Variants in KATNIP observed in about 807,000 individuals in gnomAD.
The protein encoded by KATNIP is katanin-interacting protein.
In KATNIP, 126 loss-of-function variants were observed where a neutral mutation model predicts 174.0. The observed-to-expected ratio is 0.72, with a 90% confidence interval of 0.63 to 0.84. KATNIP has a LOEUF of 0.84. KATNIP is among the 40% of genes least tolerant of loss of function. The pLI, the probability that KATNIP is intolerant of heterozygous loss-of-function variation, is 0.00. For missense variants in KATNIP, 1,958 were observed against 2,109.7 expected, an observed-to-expected ratio of 0.93 and a Z score of 1.41; for synonymous variants, 810 against 835.7, an observed-to-expected ratio of 0.97 and a Z score of 0.53.
At chr16:27,553,592 A>G (rs998145227) in intron 1 of KATNIP, among the ~76,000 whole-genome samples, 1 of 152,198 alleles carries the variant, frequency 6.6e-6, no homozygotes, top group Non-Finnish European at 1.5e-5. Flanking sequence ...AGACAAGAGG[A>G]TCTCTTCAGC....
At chr16:27,555,222 C>T (rs181635305) in intron 1 of KATNIP, among the ~76,000 whole-genome samples, 5 of 152,196 alleles carry the variant, frequency 3.3e-5, no homozygotes, top group African/African-American at 7.2e-5. Flanking sequence ...TTACTTCCTA[C>T]GTTCACAAAA....
At chr16:27,748,984 T>C (rs1336385998) in intron 15 of KATNIP, among the ~76,000 whole-genome samples, 1 of 152,188 alleles carries the variant, frequency 6.6e-6, no homozygotes, top group Non-Finnish European at 1.5e-5. Flanking sequence ...TTTAACGTTC[T>C]TTTACAAACC....
chr16:27,624,430 G>T (rs1455940482), intron 3 of KATNIP, among the ~76,000 whole-genome samples: 2 of 152,198 alleles, frequency 1.3e-5, no homozygotes, highest in Non-Finnish European at 2.9e-5. Flanking sequence ...GATGGGTGTG[G>T]TGTGCATCAC....
At position 27,576,451 on chromosome 16, in the gene KATNIP, A is replaced by T. The variant is rs141552559; in HGVS notation, c.63+2495A>T. ...GTTAGAAAAACAAAACAAAAAACCA[A>T]CCCCAAACAATTATTTTAAAAATAA... On this transcript the variant is annotated intron_variant, in intron 2 of 27. Transcript: ENST00000261588. 2.6e-3 allele frequency among the ~76,000 whole-genome samples: 394 copies of T among 152,070 alleles called. 3 individuals carry two copies. The highest frequency in any genetic ancestry group is 0.011 in the South Asian group (53 of 4,818).
rs117466254 is a variant in KATNIP at position 27,678,664 on chromosome 16, C to T, written c.808+668C>T. Among the ~76,000 whole-genome samples, 867 of 152,316 alleles carry T rather than the reference C, an allele frequency of 5.7e-3. 2 individuals carry two copies. Among genetic ancestry groups the T allele is most frequent in the Non-Finnish European group, 9.8e-3 (670 of 68,028 alleles). On this transcript the variant is annotated intron_variant, in intron 7 of 27. Coordinates refer to ENST00000261588, the MANE Select transcript of KATNIP (RefSeq NM_015202.5). ...TCTCCAACCCACACGGGGTCACATG[C>T]TGTCTTGGATTGGATCACCGTGGCT...
chr16:27,584,791 C>CA lies in KATNIP; in HGVS notation c.63+10848dup, dbSNP rs879545292. Among the ~76,000 whole-genome samples, 564 of 140,566 alleles carry CA rather than the reference C, an allele frequency of 4.0e-3. 7 individuals carry two copies. Among genetic ancestry groups the CA allele is most frequent in the African/African-American group, 0.013 (494 of 38,418 alleles). The allele number at this position is 140,566 out of a possible 152,430, so 92.2% of individuals were successfully genotyped here. ...GGGCGACAAGAGCGAAATTCCATCT[C>CA]AAAAAAAAAAAAATCATGTTGACAT... is the stretch of plus-strand genomic sequence containing the variant. On this transcript the variant is annotated intron_variant, in intron 2 of 27. Transcript: ENST00000261588.
chr16:27,701,337 A>G, intron 10 of KATNIP: 1 of 361,344 alleles, frequency 2.8e-6, no homozygotes, highest in Non-Finnish European at 5.3e-6. Flanking sequence ...AAGCATTTTG[A>G]TAAGAGAAAG....
chr16:27,664,402 A>C (rs1403980405), intron 6 of KATNIP, among the ~76,000 whole-genome samples: 1 of 152,234 alleles, frequency 6.6e-6, no homozygotes, highest in Non-Finnish European at 1.5e-5. Context: ...ACACACGATT[A>C]GTTGTAATAC....
intron 14 of KATNIP, among the ~76,000 whole-genome samples, chr16:27,735,520 T>C (rs2080866143): frequency 6.6e-6 from 1 of 152,206 alleles, no homozygotes. Flanking sequence ...CAAATAGCTG[T>C]TCCCCGGTGA....
At chr16:27,626,257 C>T (rs1269808283) in intron 3 of KATNIP, among the ~76,000 whole-genome samples, 1 of 148,570 alleles carries the variant, frequency 6.7e-6, no homozygotes, top group Non-Finnish European at 1.5e-5. Flanking sequence ...ATAATGATAA[C>T]ATCTGTGTAA....
intron 5 of KATNIP, among the ~76,000 whole-genome samples, chr16:27,633,041 C>T (rs2076536953): frequency 6.6e-6 from 1 of 152,038 alleles, no homozygotes; most frequent in South Asian, 2.1e-4. Context: ...TGAGCCACCG[C>T]GCCCGGCCGA....
intron 1 of KATNIP, among the ~76,000 whole-genome samples, chr16:27,552,699 T>G (rs1224180014): frequency 3.8e-4 from 55 of 145,670 alleles, no homozygotes; most frequent in Admixed American, 3.4e-3. Flanking sequence ...TTTTTTTTTT[T>G]TTTTTTTTTT....
At chr16:27,611,720 G>A (rs924925188) in intron 2 of KATNIP, among the ~76,000 whole-genome samples, 4 of 152,084 alleles carry the variant, frequency 2.6e-5, no homozygotes, top group African/African-American at 4.8e-5. Context: ...TCCCCTTTTC[G>A]CAGACAAGGA....
In KATNIP at chr16:27,721,684, A is replaced by G; in HGVS notation, c.1732A>G (p.Thr578Ala). ...CAAGATCAAGGTTCGGAATTACTGG[A>G]CAGCTGATGGCGTAAGTAACAGGCG... ...LAKIKVRNYW[T>A]ADGDLDIGAK... Residue 578 changes from threonine to alanine, a missense_variant, in exon 14 of 28, where the codon ACA (threonine) becomes GCA (alanine). Physicochemically the swap from Thr to Ala is moderately conservative, Grantham distance 58 (BLOSUM62 0). Around this residue, in one of 3 missense-constraint regions of KATNIP, gnomAD observed 1,557 missense variants for 1,617.8 expected, o/e 0.96. Coordinates refer to ENST00000261588, the MANE Select transcript of KATNIP (RefSeq NM_015202.5). 6.2e-7 allele frequency: 1 copy of G among 1,614,024 alleles called. No individual in the cohort carries two copies. Among genetic ancestry groups the G allele is most frequent in the Non-Finnish European group, 8.5e-7 (1 of 1,180,004 alleles).
chr16:27,726,065 G>A (rs1016136058), intron 14 of KATNIP, among the ~76,000 whole-genome samples: 1 of 152,150 alleles, frequency 6.6e-6, no homozygotes, highest in Non-Finnish European at 1.5e-5. Flanking sequence ...AGCACCAGAT[G>A]AGCCAGCATG....
At chr16:27,583,035 T>G (rs1461214833) in intron 2 of KATNIP, among the ~76,000 whole-genome samples, 2 of 152,096 alleles carry the variant, frequency 1.3e-5, no homozygotes, top group Non-Finnish European at 2.9e-5. Context: ...CCTCTGCAGT[T>G]AGGTTGGGCA....
intron 14 of KATNIP, among the ~76,000 whole-genome samples, chr16:27,730,437 C>T (rs2080626782): frequency 6.6e-6 from 1 of 152,118 alleles, no homozygotes; most frequent in Admixed American, 6.5e-5. Flanking sequence ...ATTTGCAGTA[C>T]TTGTCTGGAC....
intron 18 of KATNIP, among the ~76,000 whole-genome samples, chr16:27,756,803 T>C (rs2081748696): frequency 6.6e-6 from 1 of 152,218 alleles, no homozygotes; most frequent in African/African-American, 2.4e-5. Flanking sequence ...GTCGTCAGTT[T>C]CCACACAGCT....
intron 15 of KATNIP, among the ~76,000 whole-genome samples, chr16:27,749,029 G>A (rs1005431026): frequency 4.6e-5 from 7 of 152,054 alleles, no homozygotes; most frequent in East Asian, 1.9e-4. Flanking sequence ...TGAAAACACC[G>A]TTAGAGTCAC....
Sources: allele counts gnomAD v4.1 joint callset (sites outside exome capture counted in the v4.1 genomes callset), GRCh38; gene constraint gnomAD v4.1.1; regional missense constraint gnomAD v4.1.1; transcripts MANE v1.5; gene names NCBI Gene and HGNC (gene_info 2026-07-23, HGNC 2026-07-21).